The following NAALADL2 variants were observed in gnomAD, a reference collection of about 807,000 sequenced individuals.
The protein encoded by NAALADL2 is N-acetylated alpha-linked acidic dipeptidase like 2.
A neutral mutation model predicts 87.2 loss-of-function variants in NAALADL2; 76 were observed. The ratio of observed to expected loss-of-function variants is 0.87; its 90% CI spans 0.72 to 1.05. NAALADL2 has a LOEUF of 1.05. Ranked by LOEUF, NAALADL2 falls within the 50% of genes least tolerant of loss-of-function variation. The probability of loss-of-function intolerance (pLI) is 0.00; values close to 1 mark genes in which losing one functional copy is unlikely to be tolerated. For missense variants in NAALADL2, 1,089 were observed against 945.8 expected (o/e 1.15, Z -1.99); for synonymous variants, 354 against 331.0 (o/e 1.07, Z -0.75).
In NAALADL2 at chr3:174,537,126, G is replaced by C. The variant is rs541782593; in HGVS notation, c.-183-13443G>C. ...CTACTGCCATCATACTAATGTTATT[G>C]AAGACTTACACTGAGCCATATGCTT... is the stretch of plus-strand genomic sequence containing the variant. On this transcript the variant is annotated intron_variant, in intron 1 of 3. Transcript: ENST00000434257. Among the ~76,000 whole-genome samples the C allele has an allele frequency of 3.9e-5, 6 of 152,202 alleles. No individual in the cohort carries two copies. The South Asian group carries it at 1.2e-3, about 31-fold the overall frequency.
At chr3:174,782,754 C>T (rs1465229012) in intron 3 of NAALADL2, among the ~76,000 whole-genome samples, 2 of 151,992 alleles carry the variant, frequency 1.3e-5, no homozygotes, top group African/African-American at 4.8e-5. Context: ...AGAGGTGCCG[C>T]GCAAAGGGGG....
intron 4 of NAALADL2, among the ~76,000 whole-genome samples, chr3:175,259,085 A>G (rs547025678): frequency 2.6e-5 from 4 of 152,308 alleles, no homozygotes; most frequent in African/African-American, 9.6e-5. Flanking sequence ...GTTAATTCAC[A>G]AATGCCCAGG....
intron 5 of NAALADL2, among the ~76,000 whole-genome samples, chr3:175,440,867 G>A (rs974353605): frequency 6.6e-6 from 1 of 152,064 alleles, no homozygotes; most frequent in Non-Finnish European, 1.5e-5. Context: ...CAGTTTGGAT[G>A]TCCTTTATTT....
intron 2 of NAALADL2, among the ~76,000 whole-genome samples, chr3:174,601,067 A>G (rs1230651117): frequency 2.0e-5 from 3 of 152,158 alleles, no homozygotes; most frequent in Non-Finnish European, 2.9e-5. Flanking sequence ...TTTGTGTTTC[A>G]AACAATCCAA....
chr3:175,625,149 A>G (rs1340858806), intron 10 of NAALADL2, among the ~76,000 whole-genome samples: 1 of 152,074 alleles, frequency 6.6e-6, no homozygotes, highest in Non-Finnish European at 1.5e-5. Flanking sequence ...AAAGTGTAAT[A>G]TAAAAACGAG....
At chr3:174,917,984 T>C (rs184799760) in intron 1 of NAALADL2, among the ~76,000 whole-genome samples, 1 of 152,160 alleles carries the variant, frequency 6.6e-6, no homozygotes, top group East Asian at 1.9e-4. Flanking sequence ...TAGTATACGA[T>C]TCATATTAAA....
Position 175,096,839 on chromosome 3 carries a change from A to G in NAALADL2, c.93A>G (p.Gly31=). 6.2e-7 allele frequency: 1 copy of G among 1,609,414 alleles called. No individual in the cohort carries two copies. The highest frequency in any genetic ancestry group is 8.5e-7 in the Non-Finnish European group (1 of 1,177,644). Residue 31 remains glycine (G), a synonymous_variant, in exon 2 of 14, where the codon GGA becomes GGG. Transcript: ENST00000454872. ...QKVHADQRAP[G]HSQYLDNDDL... ...TCCATGCAGATCAAAGAGCTCCAGGACACTCACAGTACTTAGACAATGATG... is the reference window on the plus strand; with the variant it reads ...TCCATGCAGATCAAAGAGCTCCAGGGCACTCACAGTACTTAGACAATGATG...
At chr3:175,691,268 T>C (rs1261132591) in intron 11 of NAALADL2, among the ~76,000 whole-genome samples, 1 of 150,940 alleles carries the variant, frequency 6.6e-6, no homozygotes, top group Non-Finnish European at 1.5e-5. Context: ...TATATATATA[T>C]ATACACACAG....
At chr3:175,351,138 C>T (rs1763715202) in intron 5 of NAALADL2, among the ~76,000 whole-genome samples, 1 of 152,182 alleles carries the variant, frequency 6.6e-6, no homozygotes, top group Admixed American at 6.5e-5. Context: ...CAATGAGTCT[C>T]ACTTTTCAAG....
intron 5 of NAALADL2, among the ~76,000 whole-genome samples, chr3:175,388,609 A>G (rs1203547346): frequency 6.6e-6 from 1 of 152,140 alleles, no homozygotes; most frequent in Non-Finnish European, 1.5e-5. Context: ...GAGTACTGAG[A>G]GGGAAATTCA....
At chr3:175,386,448 T>C (rs1280696359) in intron 5 of NAALADL2, among the ~76,000 whole-genome samples, 1 of 152,024 alleles carries the variant, frequency 6.6e-6, no homozygotes, top group Non-Finnish European at 1.5e-5. Flanking sequence ...TTGACAAGAA[T>C]ATTTCATAGG....
chr3:174,489,987 G>A (rs1718082808), intron 1 of NAALADL2, among the ~76,000 whole-genome samples: 1 of 152,046 alleles, frequency 6.6e-6, no homozygotes. Flanking sequence ...TTGGAAAACA[G>A]TTGGGCAATT....
At chr3:174,620,987 T>G (rs1720940516) in intron 2 of NAALADL2, among the ~76,000 whole-genome samples, 1 of 152,062 alleles carries the variant, frequency 6.6e-6, no homozygotes. Flanking sequence ...GCTTCTAACC[T>G]TAGGTAAACT....
chr3:174,770,880 T>G (rs746802230), intron 3 of NAALADL2, among the ~76,000 whole-genome samples: 40 of 152,034 alleles, frequency 2.6e-4, no homozygotes, highest in Non-Finnish European at 1.2e-4. Flanking sequence ...GAAATACGTA[T>G]TTTTTATTTC....
chr3:174,783,172 C>CAT (rs1461379102), intron 3 of NAALADL2, among the ~76,000 whole-genome samples: 1 of 152,132 alleles, frequency 6.6e-6, no homozygotes, highest in Non-Finnish European at 1.5e-5. Flanking sequence ...TCATCTTAAA[C>CAT]ATTTACAGCT....
intron 2 of NAALADL2, among the ~76,000 whole-genome samples, chr3:175,184,856 T>C (rs1207045710): frequency 4.6e-5 from 7 of 152,102 alleles, no homozygotes; most frequent in African/African-American, 1.4e-4. Context: ...GCCAAACTTA[T>C]TCCAAAAACT....
chr3:175,549,073 T>A (rs1054099904), intron 9 of NAALADL2, among the ~76,000 whole-genome samples: 3 of 152,068 alleles, frequency 2.0e-5, no homozygotes, highest in Non-Finnish European at 2.9e-5. Flanking sequence ...TTAAATTTTT[T>A]AAATTTTTCT....
chr3:175,224,640 G>C (rs1374923499), intron 2 of NAALADL2, among the ~76,000 whole-genome samples: 1 of 152,062 alleles, frequency 6.6e-6, no homozygotes, highest in Non-Finnish European at 1.5e-5. Flanking sequence ...TAATTCATTA[G>C]GTTCAGTAGA....
chr3:175,587,670 G>C (rs112770657), intron 10 of NAALADL2, among the ~76,000 whole-genome samples: 45 of 152,150 alleles, frequency 3.0e-4, no homozygotes, highest in African/African-American at 1.1e-3. Context: ...AGAATCCCAT[G>C]CCCTAATGTG....
Sources: gnomAD v4.1 joint callset for allele counts (sites outside exome capture counted in the v4.1 genomes callset) on GRCh38, gnomAD v4.1.1 for gene constraint, MANE v1.5 for transcripts, NCBI Gene and HGNC (gene_info 2026-07-23, HGNC 2026-07-21) for gene names.